The following SFSWAP variants were observed in gnomAD, a reference collection of about 807,000 sequenced individuals.
The protein encoded by SFSWAP is splicing factor, suppressor of white-apricot homolog.
Under a neutral mutation model 100.7 loss-of-function variants are expected in SFSWAP, and 17 were observed. That is an observed-to-expected ratio of 0.17 (90% CI 0.12 to 0.25). The LOEUF (loss-of-function observed/expected upper bound fraction) is 0.25, where lower values mean the gene tolerates loss of function less well. Ranked by LOEUF, SFSWAP falls within the 10% of genes least tolerant of loss-of-function variation. The pLI is 1.00. For missense variants in SFSWAP, 1,005 were observed against 1,262.6 expected, an observed-to-expected ratio of 0.80 and a Z score of 3.09; for synonymous variants, 504 against 510.1, an observed-to-expected ratio of 0.99 and a Z score of 0.16.
At chr12:131,747,103 C>CAA (rs398021689) in intron 7 of SFSWAP, among the ~76,000 whole-genome samples, 1 of 96,900 alleles carries the variant, frequency 1.0e-5, no homozygotes, top group African/African-American at 4.1e-5. Context: ...GACTCTGTCT[C>CAA]AAAAAAAAAA....
In SFSWAP at chr12:131,778,256, C is replaced by G; in HGVS notation, c.2334C>G (p.Ser778=). 6.2e-7 allele frequency: 1 copy of G among 1,614,106 alleles called. No homozygotes were observed. Among genetic ancestry groups the G allele is most frequent in the Non-Finnish European group, 8.5e-7 (1 of 1,180,014 alleles). Residue 778 remains serine, a synonymous_variant, in exon 14 of 18, where the codon TCC becomes TCG. Coordinates refer to ENST00000261674, the MANE Select transcript of SFSWAP (RefSeq NM_004592.4). This position sits in a 1 kb window ranked among gnomAD's most constrained non-coding sequence, Gnocchi z 4.2. ...RSRSPKYHSS[S]KSRSRSHSKA... ...GTTCTCCCAAGTACCATTCGTCATC[C>G]AAGTCCAGGTCTAGATCACACTCAA...
rs545696886 is a variant in SFSWAP at position 131,725,530 on chromosome 12, C to T, written c.732C>T (p.Arg244=). ...GGAACTCCCAGTTTGACTTTCTGCG[C>T]TTCGACCACTACCTCAACCCCTACT... ...QARNSQFDFL[R]FDHYLNPYYK... is the part of the protein sequence containing the mutation. The change falls in exon 5 of 18, where the codon CGC becomes CGT. Residue 244 remains arginine (R), a synonymous_variant. Transcript: ENST00000261674. This position sits in a 1 kb window ranked among gnomAD's most constrained non-coding sequence, Gnocchi z 4.3. 1 of 1,614,142 alleles carries T rather than the reference C, an allele frequency of 6.2e-7. No homozygotes were observed. The highest frequency in any genetic ancestry group is 1.3e-5 in the African/African-American group (1 of 75,028).
intron 15 of SFSWAP, 102 bp downstream of exon 15, chr12:131,786,690 AC>A: frequency 1.5e-6 from 2 of 1,320,556 alleles, no homozygotes; most frequent in Non-Finnish European, 2.0e-6. Flanking sequence ...GCTGTGGATG[AC>A]CAGAGGGAGG....
intron 7 of SFSWAP, among the ~76,000 whole-genome samples, chr12:131,738,445 A>G (rs930632644): frequency 3.3e-5 from 5 of 152,260 alleles, no homozygotes; most frequent in East Asian, 3.8e-4. Context: ...TTATGCACGA[A>G]TATCAATTAA....
At chr12:131,721,190 CCCCATGATTCATTCACCT>C (rs1878445767) in intron 4 of SFSWAP, among the ~76,000 whole-genome samples, 1 of 152,154 alleles carries the variant, frequency 6.6e-6, no homozygotes. Flanking sequence ...GAAGGATCCA[CCCCATGATTCATTCACCT>C]CCCACCAGGC....
At chr12:131,798,217 T>A (rs1885815633) in intron 16 of SFSWAP, among the ~76,000 whole-genome samples, 1 of 152,024 alleles carries the variant, frequency 6.6e-6, no homozygotes, top group African/African-American at 2.4e-5. Flanking sequence ...GGTGAGAGGA[T>A]TGCTTGAGCC....
chr12:131,714,537 GT>G lies in SFSWAP; in HGVS notation c.389-284del. ...TCGTATAAATAAAATTGATGTTCTT[GT>G]CTTTGCCGTAACAGTCTTTAATACA... On this transcript the variant is annotated intron_variant, in intron 2 of 17. Coordinates refer to ENST00000261674, the MANE Select transcript of SFSWAP (RefSeq NM_004592.4). The surrounding 1 kb of genome is among the most constrained non-coding windows in gnomAD (Gnocchi z 6.0). 2.1e-6 allele frequency: 1 copy of G among 482,398 alleles called. No homozygotes were observed. Among genetic ancestry groups the G allele is most frequent in the Non-Finnish European group, 3.7e-6 (1 of 270,956 alleles). The allele number at this position is 482,398 out of a possible 1,614,324, so 29.9% of individuals were successfully genotyped here.
In SFSWAP at chr12:131,792,119, CTG is replaced by C. The variant is rs527696680; in HGVS notation, c.2535-5050_2535-5049del. On this transcript the variant is annotated intron_variant, in intron 15 of 17. Transcript: ENST00000261674. ...GCCCATGTGTGTTCACGGATCAGTA[CTG>C]TGTGTGTGCACGTGTGTGTTCACGG... 7.2e-4 allele frequency among the ~76,000 whole-genome samples: 107 copies of C among 148,142 alleles called. 1 individual carries two copies. Among genetic ancestry groups the C allele is most frequent in the African/African-American group, 2.7e-3 (104 of 38,834 alleles).
chr12:131,728,516 C>T, intron 7 of SFSWAP, 88 bp downstream of exon 7: 4 of 1,423,088 alleles, frequency 2.8e-6, no homozygotes, highest in East Asian at 4.6e-5. Flanking sequence ...GTGTTCTGTC[C>T]TCCAAGTGTA....
rs909594466 is a variant in SFSWAP at position 131,769,712 on chromosome 12, C to T, written c.2142+3404C>T. 4.5e-4 allele frequency among the ~76,000 whole-genome samples: 68 copies of T among 152,194 alleles called. 2 individuals are homozygous for T. The highest frequency in any genetic ancestry group is 1.6e-3 in the African/African-American group (65 of 41,520). On this transcript the variant is annotated intron_variant, in intron 13 of 17. Coordinates refer to ENST00000261674, the MANE Select transcript of SFSWAP (RefSeq NM_004592.4). The stretch of plus-strand genomic sequence containing the variant: ...CGCAGTCTTGGCTCACTGCAACCTC[C>T]GCCTCCCGGGTTCACACCATTCTCC...
chr12:131,711,699 C>A lies in SFSWAP; in HGVS notation c.218+252C>A. On this transcript the variant is annotated intron_variant, in intron 1 of 17. Transcript: ENST00000261674. The surrounding 1 kb of genome is among the most constrained non-coding windows in gnomAD (Gnocchi z 4.9). ...GGGATCGTCTCTGGTCCCGCAGCCC[C>A]TCTCGACCCCTCACCCTGTCGCTGG... 1 of 488,710 alleles carries A rather than the reference C, an allele frequency of 2.0e-6. No homozygotes were observed. The highest frequency in any genetic ancestry group is 3.6e-5 in the Admixed American group (1 of 27,646). 30.3% of individuals were successfully genotyped at this position (488,710 alleles called of 1,614,324 possible). A position where few individuals can be genotyped will look rare whatever the true frequency, so the allele number is the denominator to read the frequency against.
rs187414317 is a variant in SFSWAP, at chr12:131,728,669, G to A, written c.1081+241G>A. The stretch of plus-strand genomic sequence containing the variant: ...GTGCATTCCAGGAAGGAGGAGGACC[G>A]GCAAAGGTAGCTGGCTGCCTCTGCC... On this transcript the variant is annotated intron_variant, in intron 7 of 17. Transcript: ENST00000261674. 6.4e-4 allele frequency among the ~76,000 whole-genome samples: 97 copies of A among 152,028 alleles called. 1 individual carries two copies. The highest frequency in any genetic ancestry group is 6.9e-3 in the Middle Eastern group (2 of 290).
intron 3 of SFSWAP, among the ~76,000 whole-genome samples, chr12:131,715,479 A>T (rs913312384): frequency 2.6e-5 from 4 of 152,206 alleles, no homozygotes; most frequent in African/African-American, 9.7e-5. Flanking sequence ...TAAATTAAAG[A>T]TTTGGAATTT....
intron 13 of SFSWAP, among the ~76,000 whole-genome samples, chr12:131,770,992 G>A (rs929994827): frequency 1.3e-5 from 2 of 152,194 alleles, no homozygotes; most frequent in African/African-American, 4.8e-5. Flanking sequence ...TCTGGGTCCA[G>A]CCATGCAGCA....
chr12:131,773,886 T>A (rs2136248789), intron 13 of SFSWAP, among the ~76,000 whole-genome samples: 1 of 152,238 alleles, frequency 6.6e-6, no homozygotes, highest in African/African-American at 2.4e-5. Flanking sequence ...GAGTGGCGGC[T>A]CCGGGACCTG....
At position 131,753,374 on chromosome 12, in the gene SFSWAP, C is replaced by T. The variant is rs780807924; in HGVS notation, c.1322+11C>T. On this transcript the variant is annotated intron_variant, in intron 8 of 17. Coordinates refer to ENST00000261674, the MANE Select transcript of SFSWAP (RefSeq NM_004592.4). ...AACCACCACCACAAGGTAGGTGCAG[C>T]GTCCACCGCTGCCTGCTGTGTGAGT... 4.4e-5 allele frequency: 70 copies of T among 1,606,328 alleles called. No individual in the cohort carries two copies. Among genetic ancestry groups the T allele is most frequent in the Non-Finnish European group, 5.0e-5 (59 of 1,174,472 alleles).
intron 9 of SFSWAP, 101 bp from the exon 10 acceptor site, chr12:131,755,285 G>C: frequency 1.3e-6 from 1 of 794,518 alleles, no homozygotes. Flanking sequence ...ACCACCTTGT[G>C]GGATTGTTGA....
intron 13 of SFSWAP, among the ~76,000 whole-genome samples, chr12:131,775,510 A>G (rs1883951172): frequency 6.6e-6 from 1 of 152,064 alleles, no homozygotes; most frequent in African/African-American, 2.4e-5. Context: ...TCTGGTGTCC[A>G]CCCAGGGCTC....
chr12:131,791,394 AAAAT>A (rs1202853831), intron 15 of SFSWAP, among the ~76,000 whole-genome samples: 2 of 151,846 alleles, frequency 1.3e-5, no homozygotes, highest in Non-Finnish European at 2.9e-5. Flanking sequence ...ATCTCAAAGA[AAAAT>A]AAACGAAACT....
Sources: allele counts gnomAD v4.1 joint callset (sites outside exome capture counted in the v4.1 genomes callset), GRCh38; gene constraint gnomAD v4.1.1; non-coding constraint Gnocchi (gnomAD v3.1); transcripts MANE v1.5; gene names NCBI Gene and HGNC (gene_info 2026-07-23, HGNC 2026-07-21).